Variants in PLEKHH1 observed in about 807,000 individuals in gnomAD.
PLEKHH1 encodes pleckstrin homology domain-containing family H member 1.
PLEKHH1 carries 104 observed loss-of-function variants against 160.0 expected under a neutral mutation model. The ratio of observed to expected loss-of-function variants is 0.65; its 90% CI spans 0.55 to 0.76. The LOEUF (loss-of-function observed/expected upper bound fraction) is 0.76. Ranked by LOEUF, PLEKHH1 falls within the 30% of genes least tolerant of loss-of-function variation. The probability of loss-of-function intolerance (pLI) is 0.00; values close to 1 mark genes in which losing one functional copy is unlikely to be tolerated. For missense variants in PLEKHH1, 1,427 were observed against 1,724.1 expected (o/e 0.83, Z 3.05); for synonymous variants, 619 against 678.4 (o/e 0.91, Z 1.36).
At position 67,569,146 on chromosome 14, in the gene PLEKHH1, G is replaced by T; in HGVS notation, c.1272G>T (p.Arg424=). Residue 424 remains arginine (R), a synonymous_variant, in exon 8 of 29, where the codon CGG becomes CGT. Transcript: ENST00000329153. Reference sequence around the variant, plus strand: ...GAGACCTCTTGTTTCAGGAGAGCCGGATCTATGCTGTGGCCACATCGGGCA... The same window carrying T: ...GAGACCTCTTGTTTCAGGAGAGCCGTATCTATGCTGTGGCCACATCGGGCA... ...PLHQFSSWES[R]IYAVATSGMR... is the part of the protein sequence containing the mutation. 6.2e-7 allele frequency: 1 copy of T among 1,611,382 alleles called. No individual in the cohort carries two copies. Among genetic ancestry groups the T allele is most frequent in the Non-Finnish European group, 8.5e-7 (1 of 1,178,142 alleles).
At chr14:67,537,772 A>G (rs772791475) in intron 1 of PLEKHH1, among the ~76,000 whole-genome samples, 1 of 152,066 alleles carries the variant, frequency 6.6e-6, no homozygotes, top group South Asian at 2.1e-4. Flanking sequence ...TCTGATACAG[A>G]CTCTGAGTCT....
intron 9 of PLEKHH1, 179 bp from the exon 10 acceptor site, chr14:67,571,573 T>A (rs933200494): frequency 1.8e-6 from 1 of 566,596 alleles, no homozygotes; most frequent in Non-Finnish European, 3.2e-6. Flanking sequence ...CTGAGAAGCA[T>A]GGAGGTCATG....
chr14:67,572,733 C>A (rs2035448665), intron 11 of PLEKHH1, among the ~76,000 whole-genome samples: 1 of 152,166 alleles, frequency 6.6e-6, no homozygotes, highest in South Asian at 2.1e-4. Flanking sequence ...TGTGCCACTA[C>A]ATGCCAGGGC....
At chr14:67,549,614 C>T (rs767847762) in intron 2 of PLEKHH1, among the ~76,000 whole-genome samples, 4 of 152,242 alleles carry the variant, frequency 2.6e-5, no homozygotes, top group Non-Finnish European at 4.4e-5. Flanking sequence ...TAAGGCTGCC[C>T]TCCTGCTCAC....
Position 67,579,337 on chromosome 14 carries a change from C to G in PLEKHH1, c.3027+26C>G, listed in dbSNP as rs865813400. 8 of 1,460,264 alleles carry G rather than the reference C, an allele frequency of 5.5e-6. 1 individual carries two copies. Among genetic ancestry groups the G allele is most frequent in the Middle Eastern group, 2.4e-4 (1 of 4,168 alleles). 90.5% of individuals were successfully genotyped at this position (1,460,264 alleles called of 1,614,324 possible). A position where few individuals can be genotyped will look rare whatever the true frequency, so the allele number is the denominator to read the frequency against. The stretch of plus-strand genomic sequence containing the variant: ...GTGAGGAGCTGGGCGTGCTCTTTGC[C>G]CCGAGTCTTCTCACGTCACCATCCA... On this transcript the variant is annotated intron_variant, in intron 21 of 28. Coordinates refer to ENST00000329153, the MANE Select transcript of PLEKHH1 (RefSeq NM_020715.3).
At position 67,575,920 on chromosome 14, in the gene PLEKHH1, G is replaced by A. The variant is rs763856469; in HGVS notation, c.2267G>A (p.Arg756Gln). The A allele has an allele frequency of 1.7e-5, 27 of 1,613,592 alleles. No homozygotes were observed. Among genetic ancestry groups the A allele is most frequent in the South Asian group, 9.9e-5 (9 of 91,074 alleles). The change falls in exon 16 of 29, where the codon CGG (arginine) becomes CAG (glutamine). Residue 756 changes from arginine to glutamine, a missense_variant. Around this residue, in one of 6 missense-constraint regions of PLEKHH1, gnomAD observed 436 missense variants for 607.5 expected, o/e 0.72. Coordinates refer to ENST00000329153, the MANE Select transcript of PLEKHH1 (RefSeq NM_020715.3). ...DEDYEAGGTR[R>Q]LLSSHCTLVI... ...GACTATGAGGCTGGAGGAACCAGAC[G>A]GTTGCTTTCCTCCCACTGCACCCTG...
At chr14:67,580,700 A>C (rs1190465212) in intron 22 of PLEKHH1, among the ~76,000 whole-genome samples, 1 of 152,214 alleles carries the variant, frequency 6.6e-6, no homozygotes, top group Non-Finnish European at 1.5e-5. Flanking sequence ...AGCTGGTGAC[A>C]CCAGCAGGGC....
chr14:67,543,916 T>C (rs2034073216), intron 2 of PLEKHH1, among the ~76,000 whole-genome samples: 1 of 152,120 alleles, frequency 6.6e-6, no homozygotes, highest in South Asian at 2.1e-4. Flanking sequence ...ATAGCCACAG[T>C]GGTACTCAAC....
At chr14:67,538,130 A>G (rs1271368167) in intron 1 of PLEKHH1, among the ~76,000 whole-genome samples, 2 of 152,156 alleles carry the variant, frequency 1.3e-5, no homozygotes, top group Admixed American at 6.5e-5. Context: ...AAAAAAATTG[A>G]GCTGAGTTTT....
chr14:67,582,071 T>C lies in PLEKHH1; in HGVS notation c.3287T>C (p.Leu1096Pro). The change falls in exon 24 of 29, where the codon CTG (leucine) becomes CCG (proline). Residue 1096 changes from leucine to proline, a missense_variant and splice_region_variant. Around this residue, in one of 6 missense-constraint regions of PLEKHH1, gnomAD observed 436 missense variants for 607.5 expected, o/e 0.72. Transcript: ENST00000329153. This position sits in a 1 kb window ranked among gnomAD's most constrained non-coding sequence, Gnocchi z 5.0. The part of the protein sequence containing the change: ...RVVKLMYKNR[L>P]YFRSQVKGET... ...GTTTCTTATTCTCTTCTTTGTAGGC[T>C]GTACTTTCGCAGTCAAGTCAAAGGG... 2 of 1,609,062 alleles carry C rather than the reference T, an allele frequency of 1.2e-6. No homozygotes were observed. The highest frequency in any genetic ancestry group is 1.7e-6 in the Non-Finnish European group (2 of 1,177,836).
chr14:67,576,344 C>A lies in PLEKHH1; in HGVS notation c.2353-51C>A. ...AAGGAGTCCTCCTTGGAGCTCTTGC[C>A]TCCACTCTTCCCACCCCGTCCCCAT... On this transcript the variant is annotated intron_variant, in intron 16 of 28. Transcript: ENST00000329153. This position sits in a 1 kb window ranked among gnomAD's most constrained non-coding sequence, Gnocchi z 4.0. 1 of 1,051,984 alleles carries A rather than the reference C, an allele frequency of 9.5e-7. No individual in the cohort carries two copies. Among genetic ancestry groups the A allele is most frequent in the Non-Finnish European group, 1.4e-6 (1 of 689,690 alleles). 65.2% of individuals were successfully genotyped at this position (1,051,984 alleles called of 1,614,324 possible).
Position 67,574,153 on chromosome 14 carries a change from G to A in PLEKHH1, c.1927-89G>A. 8.1e-7 allele frequency: 1 copy of A among 1,233,078 alleles called. No individual in the cohort carries two copies. Among genetic ancestry groups the A allele is most frequent in the Admixed American group, 2.7e-5 (1 of 37,248 alleles). The allele number at this position is 1,233,078 out of a possible 1,614,324, so 76.4% of individuals were successfully genotyped here. On this transcript the variant is annotated intron_variant, in intron 13 of 28. Coordinates refer to ENST00000329153, the MANE Select transcript of PLEKHH1 (RefSeq NM_020715.3). The surrounding 1 kb of genome is among the most constrained non-coding windows in gnomAD (Gnocchi z 4.2). ...GGCAGGCAGAAGGCCAGCCCCTTGG[G>A]TTCAGGGACAGGTGCCACCTCGGAG...
chr14:67,541,924 G>A lies in PLEKHH1; in HGVS notation c.57G>A (p.Leu19=). The part of the protein sequence containing the change: ...PASVDWQKRC[L]TLETQLFRFR... Reference sequence around the variant, plus strand: ...GCGTAGACTGGCAGAAACGCTGCCTGACCCTGGAAACTCAGCTTTTCCGGT... The same window carrying A: ...GCGTAGACTGGCAGAAACGCTGCCTAACCCTGGAAACTCAGCTTTTCCGGT... Residue 19 remains leucine, a synonymous_variant, in exon 2 of 29, where the codon CTG becomes CTA. Coordinates refer to ENST00000329153, the MANE Select transcript of PLEKHH1 (RefSeq NM_020715.3). 1.2e-6 allele frequency: 2 copies of A among 1,606,288 alleles called. No individual in the cohort carries two copies. The highest frequency in any genetic ancestry group is 1.3e-5 in the African/African-American group (1 of 74,890).
intron 2 of PLEKHH1, among the ~76,000 whole-genome samples, chr14:67,545,207 G>A (rs2140340793): frequency 6.6e-6 from 1 of 152,274 alleles, no homozygotes; most frequent in East Asian, 1.9e-4. Flanking sequence ...TAGTGACTCG[G>A]AGGTTTCATA....
chr14:67,557,527 T>C, intron 4 of PLEKHH1, 109 bp downstream of exon 4: 1 of 967,250 alleles, frequency 1.0e-6, no homozygotes, highest in Non-Finnish European at 1.5e-6. Context: ...GGGAACTCGC[T>C]CCCTCCTGAG....
rs370585112 is a variant in PLEKHH1, at chr14:67,583,869, C to A, written c.3555C>A (p.Pro1185=). The change falls in exon 25 of 29, where the codon CCC becomes CCA. Residue 1185 remains proline (P), a synonymous_variant. Transcript: ENST00000329153. The part of the protein sequence containing the change: ...FHPRRYRHGA[P]AEQLRHLADM... ...CCAGGCGCTATAGACATGGGGCCCC[C>A]GCTGAACAGCTGAGGTAGGTAGGCT... 1.2e-6 allele frequency: 2 copies of A among 1,613,722 alleles called. No individual in the cohort carries two copies. The highest frequency in any genetic ancestry group is 2.2e-5 in the South Asian group (2 of 91,040).
rs1262695658 is a variant in PLEKHH1, at chr14:67,562,421, C to T, written c.790C>T (p.Pro264Ser). 5.6e-6 allele frequency: 9 copies of T among 1,613,668 alleles called. No homozygotes were observed. The African/African-American group carries it at 1.1e-4, about 19-fold the overall frequency. The part of the protein sequence containing the change: ...PLQPHLGRES[P>S]PHQPCMKLLT... ...TCAACCTCATCTGGGAAGAGAGAGC[C>T]CTCCCCACCAGCCATGCATGAAGCT... The change falls in exon 7 of 29, where the codon CCT (proline) becomes TCT (serine). Residue 264 changes from proline to serine, a missense_variant. Pro to Ser is a moderately conservative substitution (Grantham distance 74). Around this residue, in one of 6 missense-constraint regions of PLEKHH1, gnomAD observed 831 missense variants for 929.2 expected, o/e 0.89. Coordinates refer to ENST00000329153, the MANE Select transcript of PLEKHH1 (RefSeq NM_020715.3).
chr14:67,582,552 C>T lies in PLEKHH1; in HGVS notation c.3426+342C>T, dbSNP rs1309492562. Among the ~76,000 whole-genome samples, 1 of 152,196 alleles carries T rather than the reference C, an allele frequency of 6.6e-6. No individual in the cohort carries two copies. Among genetic ancestry groups the T allele is most frequent in the East Asian group, 1.9e-4 (1 of 5,206 alleles). On this transcript the variant is annotated intron_variant, in intron 24 of 28. Transcript: ENST00000329153. This position sits in a 1 kb window ranked among gnomAD's most constrained non-coding sequence, Gnocchi z 5.0. ...AAAAATACTTGGCCGGGAGCAGTGG[C>T]TCATGCCTGTAATGTCAGCACTTTG...
chr14:67,564,419 A>G (rs1465900999), intron 7 of PLEKHH1, among the ~76,000 whole-genome samples: 2 of 152,186 alleles, frequency 1.3e-5, no homozygotes, highest in Non-Finnish European at 2.9e-5. Context: ...CTGGCCACAC[A>G]TCATTAACCT....
Sources: gnomAD v4.1 joint callset for allele counts (sites outside exome capture counted in the v4.1 genomes callset) on GRCh38, gnomAD v4.1.1 for gene constraint, gnomAD v4.1.1 regional missense constraint, Gnocchi (gnomAD v3.1) non-coding constraint, MANE v1.5 for transcripts, NCBI Gene and HGNC (gene_info 2026-07-23, HGNC 2026-07-21) for gene names.